ITGA1: variants seen among roughly 807,000 people sequenced by gnomAD.
ITGA1 encodes the protein integrin alpha-1.
In ITGA1, 85 loss-of-function variants were observed where a neutral mutation model predicts 145.9. That is an observed-to-expected ratio of 0.58 (90% CI 0.49 to 0.70). ITGA1 has a LOEUF of 0.70. Ranked by LOEUF, ITGA1 falls within the 30% of genes least tolerant of loss-of-function variation. The probability of loss-of-function intolerance (pLI) is 0.00; values close to 1 mark genes in which losing one functional copy is unlikely to be tolerated. For synonymous variants in ITGA1, 520 were observed against 495.3 expected, an observed-to-expected ratio of 1.05 and a Z score of -0.66; for missense variants, 1,351 against 1,418.7, an observed-to-expected ratio of 0.95 and a Z score of 0.77.
chr5:52,788,555 G>A (rs1413359317), intron 1 of ITGA1, 141 bp downstream of exon 1: 6 of 630,464 alleles, frequency 9.5e-6, no homozygotes, highest in African/African-American at 1.9e-5. Context: ...CTCAGGCCAG[G>A]CTACGGGGCA....
chr5:52,906,101 G>T (rs529803374), intron 12 of ITGA1, among the ~76,000 whole-genome samples, 193 bp downstream of exon 12: 14 of 152,190 alleles, frequency 9.2e-5, no homozygotes, highest in African/African-American at 3.4e-4. Context: ...GGGTGTGGAG[G>T]TAAGATATAC....
chr5:52,800,170 G>C, intron 1 of ITGA1: 1 of 575,398 alleles, frequency 1.7e-6, no homozygotes, highest in Non-Finnish European at 3.1e-6. Flanking sequence ...TGTTCCCCGA[G>C]CCTGTTAGAC....
At chr5:52,913,804 A>AT (rs1044541468) in intron 14 of ITGA1, among the ~76,000 whole-genome samples, 3 of 152,190 alleles carry the variant, frequency 2.0e-5, no homozygotes, top group African/African-American at 7.2e-5. Context: ...AACATGAGTG[A>AT]TTTTTCATAA....
chr5:52,916,383 T>C (rs1256031462), intron 15 of ITGA1, among the ~76,000 whole-genome samples: 1 of 152,162 alleles, frequency 6.6e-6, no homozygotes, highest in African/African-American at 2.4e-5. Flanking sequence ...GTCCGCATGT[T>C]GATTCTCCTA....
At chr5:52,889,873 C>T (rs1199843012) in intron 8 of ITGA1, 1 of 148,844 alleles carries the variant, frequency 6.7e-6, no homozygotes, top group African/African-American at 2.5e-5. Context: ...GACTCTCCTT[C>T]TTCTTAGAGG....
chr5:52,841,479 A>G (rs1184141250), intron 1 of ITGA1, among the ~76,000 whole-genome samples: 1 of 152,180 alleles, frequency 6.6e-6, no homozygotes, highest in East Asian at 1.9e-4. Context: ...TCAGATTTCA[A>G]ACCAACTAGA....
intron 9 of ITGA1, among the ~76,000 whole-genome samples, chr5:52,896,787 A>G (rs1361770142): frequency 6.6e-6 from 1 of 152,170 alleles, no homozygotes; most frequent in Non-Finnish European, 1.5e-5. Context: ...GCATTTCAGT[A>G]AAGAGCTTCA....
intron 1 of ITGA1, among the ~76,000 whole-genome samples, chr5:52,843,067 G>A (rs1749281541): frequency 6.6e-6 from 1 of 152,082 alleles, no homozygotes; most frequent in Non-Finnish European, 1.5e-5. Context: ...GGTTATATTT[G>A]TGGAGTAGTG....
At chr5:52,881,815 A>G in intron 6 of ITGA1, 58 bp from the exon 7 acceptor site, 3 of 1,510,498 alleles carry the variant, frequency 2.0e-6, no homozygotes, top group Non-Finnish European at 2.7e-6. Context: ...GTTAACCTGA[A>G]GAAATCTGAA....
At chr5:52,920,948 C>A (rs1167835328) in intron 17 of ITGA1, among the ~76,000 whole-genome samples, 1 of 149,650 alleles carries the variant, frequency 6.7e-6, no homozygotes, top group Non-Finnish European at 1.5e-5. Flanking sequence ...GGAAAATTAT[C>A]TGGTATTTTC....
intron 1 of ITGA1, among the ~76,000 whole-genome samples, chr5:52,798,761 G>T (rs1346554959): frequency 6.6e-6 from 1 of 152,148 alleles, no homozygotes. Flanking sequence ...GACTGTACCT[G>T]AAAACAGAAG....
At chr5:52,822,657 C>T (rs1191011396) in intron 1 of ITGA1, among the ~76,000 whole-genome samples, 1 of 152,224 alleles carries the variant, frequency 6.6e-6, no homozygotes, top group South Asian at 2.1e-4. Context: ...GTAGCCTCTA[C>T]CCTTGACACT....
chr5:52,888,664 C>T (rs889710790), intron 8 of ITGA1, among the ~76,000 whole-genome samples: 2 of 152,186 alleles, frequency 1.3e-5, no homozygotes, highest in African/African-American at 4.8e-5. Flanking sequence ...AAAAAGTTAC[C>T]CAAATGGTAT....
At chr5:52,898,410 A>T (rs146172548) in intron 11 of ITGA1, 27 bp downstream of exon 11, 11 of 1,554,852 alleles carry the variant, frequency 7.1e-6, no homozygotes, top group Non-Finnish European at 9.6e-6. Context: ...ATTATAAAAG[A>T]GTTGTTTTAC....
At chr5:52,951,599 C>A (rs1751220276) in intron 28 of ITGA1, among the ~76,000 whole-genome samples, 3 of 152,170 alleles carry the variant, frequency 2.0e-5, no homozygotes, top group South Asian at 4.1e-4. Flanking sequence ...TCTATATAAG[C>A]AGACGTCCTG....
At chr5:52,832,765 CTGTGTG>C (rs33977926) in intron 1 of ITGA1, among the ~76,000 whole-genome samples, 1,726 of 86,724 alleles carry the variant, frequency 0.02, 26 homozygotes, top group African/African-American at 0.052. Flanking sequence ...ATATATAAAT[CTGTGTG>C]TGTGTGTGTG....
chr5:52,824,108 AAT>A (rs935746593), intron 1 of ITGA1, among the ~76,000 whole-genome samples: 2 of 151,234 alleles, frequency 1.3e-5, no homozygotes, highest in Non-Finnish European at 3.0e-5. Flanking sequence ...CATGACCTTT[AAT>A]ATATATATAT....
At chr5:52,915,398 G>A in intron 14 of ITGA1, 66 bp from the exon 15 acceptor site, 1 of 1,501,276 alleles carries the variant, frequency 6.7e-7, no homozygotes, top group Non-Finnish European at 9.1e-7. Context: ...TAAATTCTCA[G>A]ATTTATTTGA....
At chr5:52,828,143 T>A (rs1482415324) in intron 1 of ITGA1, among the ~76,000 whole-genome samples, 3 of 152,230 alleles carry the variant, frequency 2.0e-5, no homozygotes, top group African/African-American at 2.4e-5. Context: ...ACATATGTTT[T>A]CAATTCTTTG....
Sources: allele counts gnomAD v4.1 joint callset (sites outside exome capture counted in the v4.1 genomes callset), GRCh38; gene constraint gnomAD v4.1.1; transcripts MANE v1.5; gene names NCBI Gene and HGNC (gene_info 2026-07-23, HGNC 2026-07-21).